Variants in NLN observed in about 807,000 individuals in gnomAD.
NLN encodes neurolysin.
Under a neutral mutation model 79.9 loss-of-function variants are expected in NLN, and 64 were observed. The observed-to-expected ratio is 0.80, with a 90% CI of 0.65 to 0.99. The LOEUF is 0.99. Ranked by LOEUF, NLN falls within the 50% of genes least tolerant of loss-of-function variation. NLN has a pLI of 0.00. For synonymous variants in NLN, 267 were observed against 296.6 expected (o/e 0.90, Z 1.02); for missense variants, 835 against 858.7 (o/e 0.97, Z 0.34).
At chr5:65,786,615 G>A (rs907051861) in intron 7 of NLN, among the ~76,000 whole-genome samples, 2 of 151,950 alleles carry the variant, frequency 1.3e-5, no homozygotes. Context: ...CCAGCACTTC[G>A]GGAGGCCGAG....
Position 65,768,484 on chromosome 5 carries a change from C to T in NLN, c.450+5376C>T, listed in dbSNP as rs549390867. On this transcript the variant is annotated intron_variant, in intron 3 of 12. Transcript: ENST00000380985. Reference sequence around the variant, plus strand: ...CTCCTACCATGTCCCTCCCTCAATACGTGGGGATTAAAATTCAGATTACAA... The same window carrying T: ...CTCCTACCATGTCCCTCCCTCAATATGTGGGGATTAAAATTCAGATTACAA... Among the ~76,000 whole-genome samples the T allele has an allele frequency of 7.6e-4, 116 of 152,304 alleles. No individual in the cohort carries two copies. In the Middle Eastern group the frequency reaches 0.02, roughly 27 times the overall value.
intron 1 of NLN, among the ~76,000 whole-genome samples, chr5:65,737,121 G>T (rs1177144138): frequency 1.3e-5 from 2 of 151,824 alleles, no homozygotes; most frequent in African/African-American, 4.9e-5. Flanking sequence ...GCGACAGAGG[G>T]AGACTGTCTC....
At chr5:65,801,581 A>G (rs1332441818) in intron 9 of NLN, among the ~76,000 whole-genome samples, 4 of 152,254 alleles carry the variant, frequency 2.6e-5, no homozygotes, top group African/African-American at 9.6e-5. Flanking sequence ...AAACAGCATG[A>G]CCAACTTTCG....
At chr5:65,729,369 C>CTT (rs34963968) in intron 1 of NLN, among the ~76,000 whole-genome samples, 11 of 101,062 alleles carry the variant, frequency 1.1e-4, no homozygotes, top group East Asian at 2.9e-4. Flanking sequence ...GTTTTCTTTT[C>CTT]TTTTTTTTTT....
intron 2 of NLN, 31 bp from the exon 3 acceptor site, chr5:65,762,929 G>C (rs780771460): frequency 6.2e-7 from 1 of 1,609,560 alleles, no homozygotes; most frequent in South Asian, 1.1e-5. Context: ...AAGTCCTGTT[G>C]TGTGGTGATA....
intron 3 of NLN, among the ~76,000 whole-genome samples, chr5:65,767,786 C>T (rs187980470): frequency 6.6e-6 from 1 of 152,328 alleles, no homozygotes; most frequent in African/African-American, 2.4e-5. Flanking sequence ...GTTAGGAGCA[C>T]CCAGGCCACC....
chr5:65,752,363 T>A (rs1579923183), intron 1 of NLN, among the ~76,000 whole-genome samples: 1 of 152,242 alleles, frequency 6.6e-6, no homozygotes, highest in East Asian at 1.9e-4. Flanking sequence ...GAAAAAGAAA[T>A]CTAGTGTTTA....
chr5:65,809,396 C>A, intron 9 of NLN, 119 bp from the exon 10 acceptor site: 1 of 781,390 alleles, frequency 1.3e-6, no homozygotes, highest in Non-Finnish European at 2.0e-6. Flanking sequence ...TCTAACCCCT[C>A]ATTCAGAGGA....
intron 1 of NLN, among the ~76,000 whole-genome samples, chr5:65,742,071 T>G (rs1758879564): frequency 6.6e-6 from 1 of 152,192 alleles, no homozygotes; most frequent in African/African-American, 2.4e-5. Flanking sequence ...TCATATGCCC[T>G]TAAGTAGTTT....
rs1450062044 is a variant in NLN at position 65,722,336 on chromosome 5, G to A, written c.-38G>A. On this transcript the variant is annotated 5_prime_UTR_variant, in exon 1 of 13. Transcript: ENST00000380985. ...CCCGCCTCGCCGCCCCACGCCGAAG[G>A]ACCACGCGCCCGCCGCCGCCAGCCT... is the stretch of plus-strand genomic sequence containing the variant. 2 of 1,526,184 alleles carry A rather than the reference G, an allele frequency of 1.3e-6. No homozygotes were observed. The highest frequency in any genetic ancestry group is 2.4e-5 in the South Asian group (2 of 81,978). 94.5% of individuals were successfully genotyped at this position (1,526,184 alleles called of 1,614,324 possible).
In NLN at chr5:65,825,525, G is replaced by A. The variant is rs998449413; in HGVS notation, c.*2610G>A. On this transcript the variant is annotated 3_prime_UTR_variant, in exon 13 of 13. Transcript: ENST00000380985. Reference sequence around the variant, plus strand: ...CTGCAGAGAAGAGAAATGTCTTGACGTTTTGCCACCTGATGTAGACTTTGT... The same window carrying A: ...CTGCAGAGAAGAGAAATGTCTTGACATTTTGCCACCTGATGTAGACTTTGT... 2 of 152,246 alleles carry A rather than the reference G, an allele frequency of 1.3e-5. No homozygotes were observed. The highest frequency in any genetic ancestry group is 1.9e-4 in the East Asian group (1 of 5,176). The allele number at this position is 152,246 out of a possible 1,614,324, so 9.4% of individuals were successfully genotyped here.
Position 65,788,098 on chromosome 5 carries a change from A to ACTTTTC in NLN, c.959-10_959-5dup. ...GCTTCCAAAAGCAAGTAGATCACTA[A>ACTTTTC]CTTTTCCTTTTCCTTACAGATGATT... is the stretch of plus-strand genomic sequence containing the variant. On this transcript the variant is annotated intron_variant, in intron 7 of 12. Transcript: ENST00000380985. 2 of 1,600,820 alleles carry ACTTTTC rather than the reference A, an allele frequency of 1.2e-6. No individual in the cohort carries two copies. Among genetic ancestry groups the ACTTTTC allele is most frequent in the South Asian group, 1.1e-5 (1 of 88,872 alleles).
At chr5:65,723,814 C>CAAAAAAA (rs760572199) in intron 1 of NLN, among the ~76,000 whole-genome samples, 132 of 55,252 alleles carry the variant, frequency 2.4e-3, no homozygotes, top group Non-Finnish European at 3.3e-3. Context: ...GACTCCGTCT[C>CAAAAAAA]AAAAAAAAAA....
In NLN at chr5:65,811,570, C is replaced by G. The variant is rs111483165; in HGVS notation, c.1844-685C>G. ...CGGTGACTCACGCCTGTAATCCCAA[C>G]ACTTTGGGAGACCGAGGCAGGCAGA... On this transcript the variant is annotated intron_variant, in intron 11 of 12. Transcript: ENST00000380985. 5.3e-3 allele frequency among the ~76,000 whole-genome samples: 803 copies of G among 152,254 alleles called. 10 individuals are homozygous for G. The highest frequency in any genetic ancestry group is 0.018 in the African/African-American group (764 of 41,538).
At chr5:65,732,728 T>A (rs1414266743) in intron 1 of NLN, among the ~76,000 whole-genome samples, 43 of 142,446 alleles carry the variant, frequency 3.0e-4, no homozygotes, top group East Asian at 8.1e-4. Context: ...TGTGCACATC[T>A]CCCACTGGGC....
intron 12 of NLN, among the ~76,000 whole-genome samples, chr5:65,820,407 G>A (rs925474085): frequency 1.3e-5 from 2 of 152,158 alleles, no homozygotes; most frequent in African/African-American, 4.8e-5. Flanking sequence ...ATAATAAAAT[G>A]TTTAAAATAT....
intron 9 of NLN, among the ~76,000 whole-genome samples, chr5:65,793,831 C>T (rs1237403726): frequency 6.6e-6 from 1 of 152,140 alleles, no homozygotes; most frequent in African/African-American, 2.4e-5. Flanking sequence ...GTATACCCCT[C>T]AGCCTCTCAC....
intron 9 of NLN, among the ~76,000 whole-genome samples, chr5:65,795,918 A>C (rs913020902): frequency 6.6e-6 from 1 of 152,218 alleles, no homozygotes; most frequent in Non-Finnish European, 1.5e-5. Flanking sequence ...ATGTTTGTAC[A>C]TAGATTAATA....
Position 65,777,496 on chromosome 5 carries a change from A to G in NLN, c.520A>G (p.Lys174Glu), listed in dbSNP as rs1262696074. The G allele has an allele frequency of 6.2e-7, 1 of 1,612,074 alleles. No homozygotes were observed. The highest frequency in any genetic ancestry group is 8.5e-7 in the Non-Finnish European group (1 of 1,178,252). The change falls in exon 4 of 13, where the codon AAA becomes GAA. Residue 174 changes from lysine to glutamate, a missense_variant. Coordinates refer to ENST00000380985, the MANE Select transcript of NLN (RefSeq NM_020726.5). ...RYLEKSIKMG[K>E]RNGLHLPEQV... ...CTTGGAAAAGTCAATTAAAATGGGGAAAAGAAATGGGCTCCATCTTCCTGA... is the reference window on the plus strand; with the variant it reads ...CTTGGAAAAGTCAATTAAAATGGGGGAAAGAAATGGGCTCCATCTTCCTGA...
Sources: gnomAD v4.1 joint callset for allele counts (sites outside exome capture counted in the v4.1 genomes callset) on GRCh38, gnomAD v4.1.1 for gene constraint, MANE v1.5 for transcripts, NCBI Gene and HGNC (gene_info 2026-07-23, HGNC 2026-07-21) for gene names.